The following TRIM14 variants were observed in gnomAD, a reference collection of about 807,000 sequenced individuals.
The protein encoded by TRIM14 is tripartite motif-containing protein 14.
Under a neutral mutation model 44.5 loss-of-function variants are expected in TRIM14, and 28 were observed. The observed-to-expected ratio is 0.63, with a 90% confidence interval of 0.47 to 0.86. TRIM14 has a LOEUF of 0.86. Among genes scored for constraint, TRIM14 ranks in the 40% least tolerant of loss-of-function variants. The probability of loss-of-function intolerance (pLI) is 0.00; values close to 1 mark genes in which losing one functional copy is unlikely to be tolerated. For missense variants in TRIM14, 607 were observed against 611.1 expected, an observed-to-expected ratio of 0.99 and a Z score of 0.07; for synonymous variants, 299 against 269.2, an observed-to-expected ratio of 1.11 and a Z score of -1.08.
downstream of TRIM14, among the ~76,000 whole-genome samples, chr9:98,068,585 A>C (rs1014350662): frequency 2.0e-5 from 3 of 150,942 alleles, no homozygotes; most frequent in African/African-American, 7.3e-5. Flanking sequence ...AAGCTGAGGT[A>C]GGAGGGTCGC....
the TRIM14 span, among the ~76,000 whole-genome samples, chr9:98,054,770 C>T: frequency 6.6e-6 from 1 of 152,210 alleles, no homozygotes; most frequent in Non-Finnish European, 1.5e-5. Context: ...GGGCTGGCCT[C>T]TGGATCCATC....
At chr9:98,100,246 G>C in intron 2 of TRIM14, 82 bp from the exon 3 acceptor site, 1 of 1,304,612 alleles carries the variant, frequency 7.7e-7, no homozygotes, top group Non-Finnish European at 1.1e-6. Context: ...AAATCATAAC[G>C]TCTGAAATGT....
rs531181973 is a variant in TRIM14, at chr9:98,095,227, C to T, written c.538-198G>A. Among the ~76,000 whole-genome samples, 6 of 152,350 alleles carry T rather than the reference C, an allele frequency of 3.9e-5. No homozygotes were observed. In the East Asian group the frequency reaches 9.6e-4, roughly 24 times the overall value. On this transcript the variant is annotated intron_variant, in intron 3 of 5. Coordinates refer to ENST00000341469, the MANE Select transcript of TRIM14 (RefSeq NM_014788.4). The surrounding 1 kb of genome is among the most constrained non-coding windows in gnomAD (Gnocchi z 4.1). Reference sequence around the variant, plus strand: ...CGGCATCCCTGAGGTGGGAGCCATGCGGAGGTGCGGTTTTTCAGTGCTGGC... The same window carrying T: ...CGGCATCCCTGAGGTGGGAGCCATGTGGAGGTGCGGTTTTTCAGTGCTGGC...
chr9:98,093,438 T>C (rs1017246560), intron 4 of TRIM14, among the ~76,000 whole-genome samples: 3 of 152,182 alleles, frequency 2.0e-5, no homozygotes, highest in African/African-American at 4.8e-5. Context: ...GACTGCATTA[T>C]GGTCTCCACT....
At chr9:98,113,337 A>AAT (rs1826928740) in intron 1 of TRIM14, among the ~76,000 whole-genome samples, 1 of 152,026 alleles carries the variant, frequency 6.6e-6, no homozygotes, top group African/African-American at 2.4e-5. Flanking sequence ...GATGATAGAT[A>AAT]ATATACTAAC....
chr9:98,119,165 G>T lies in TRIM14; in HGVS notation c.24C>A (p.Ser8Arg). 6.3e-7 allele frequency: 1 copy of T among 1,578,048 alleles called. No homozygotes were observed. The highest frequency in any genetic ancestry group is 8.5e-7 in the Non-Finnish European group (1 of 1,172,352). Residue 8 changes from serine to arginine, a missense_variant, in exon 1 of 6, where the codon AGC becomes AGA. Transcript: ENST00000341469. Reference protein sequence around the residue: MAGAATGSRTPGRSELVE... With the variant: MAGAATGRRTPGRSELVE... ...CAAGCTCCGACCTCCCAGGGGTCCG[G>T]CTCCCGGTCGCCGCGCCCGCCATTC...
intron 2 of TRIM14, among the ~76,000 whole-genome samples, chr9:98,103,173 A>C (rs1400488758): frequency 6.6e-6 from 1 of 152,018 alleles, no homozygotes; most frequent in Non-Finnish European, 1.5e-5. Flanking sequence ...CAACAGAACG[A>C]GACTCCATCT....
chr9:98,060,879 G>A, the TRIM14 span: 2 of 1,614,180 alleles, frequency 1.2e-6, no homozygotes, highest in Non-Finnish European at 8.5e-7. Flanking sequence ...AAGCATTCCT[G>A]GGGGAAGACG....
intron 2 of TRIM14, among the ~76,000 whole-genome samples, chr9:98,108,449 T>A (rs545599856): frequency 6.6e-6 from 1 of 152,290 alleles, no homozygotes; most frequent in South Asian, 2.1e-4. Flanking sequence ...GTATTTTATG[T>A]GTGGCCCAAG....
chr9:98,119,210 C>T lies in TRIM14; in HGVS notation c.-22G>A, dbSNP rs1047367650. ...CCATTCATCTCCACCTCCTCCGGCT[C>T]CCCGGGACACAGGGCGGGGCTCCCA... is the stretch of plus-strand genomic sequence containing the variant. On this transcript the variant is annotated 5_prime_UTR_variant, in exon 1 of 6. Transcript: ENST00000341469. 18 of 1,562,712 alleles carry T rather than the reference C, an allele frequency of 1.2e-5. No individual in the cohort carries two copies. The highest frequency in any genetic ancestry group is 1.5e-5 in the Non-Finnish European group (18 of 1,165,138).
intron 2 of TRIM14, 31 bp from the exon 3 acceptor site, chr9:98,100,195 A>G: frequency 6.4e-7 from 1 of 1,570,918 alleles, no homozygotes; most frequent in Non-Finnish European, 8.8e-7. Context: ...TGCAGATGAC[A>G]TGTCTGCCAA....
At chr9:98,099,789 TG>T (rs1027318357) in intron 3 of TRIM14, 141 bp downstream of exon 3, 5 of 685,354 alleles carry the variant, frequency 7.3e-6, no homozygotes, top group African/African-American at 7.2e-5. Flanking sequence ...ACCACCTGTG[TG>T]GGGGCAAGAC....
chr9:98,094,761 T>A (rs1826120142), intron 4 of TRIM14, 106 bp downstream of exon 4: 2 of 1,370,248 alleles, frequency 1.5e-6, no homozygotes, highest in African/African-American at 2.9e-5. Context: ...GCCAAGGGCC[T>A]CAGTGTGGGA....
At chr9:98,042,623 G>A in the TRIM14 span, among the ~76,000 whole-genome samples, 1 of 152,184 alleles carries the variant, frequency 6.6e-6, no homozygotes, top group Admixed American at 6.6e-5. Context: ...TGTAATCCCA[G>A]CACTTTGGGA....
chr9:98,052,881 A>G, the TRIM14 span, among the ~76,000 whole-genome samples: 1 of 152,224 alleles, frequency 6.6e-6, no homozygotes, highest in African/African-American at 2.4e-5. Context: ...GTAACCTCCC[A>G]TGTGAAATTA....
intron 2 of TRIM14, among the ~76,000 whole-genome samples, chr9:98,105,565 C>T (rs969239256): frequency 1.3e-5 from 2 of 152,084 alleles, no homozygotes; most frequent in African/African-American, 2.4e-5. Flanking sequence ...GGCAACAGAT[C>T]GAGACTCTGT....
rs778625917 is a variant in TRIM14 at position 98,099,966 on chromosome 9, T to C, written c.502A>G (p.Ile168Val). ...TGGACAGGATCGGGCTCCTGGCTGA[T>C]ACTCCAGACCCTGTTGGAGAGATCA... Reference protein sequence around the residue: ...MNDLSNRVWSISQEPDPVQRL... With the variant: ...MNDLSNRVWSVSQEPDPVQRL... The change falls in exon 3 of 6, where the codon ATC becomes GTC. Residue 168 changes from isoleucine (I) to valine (V), a missense_variant. By Grantham distance (29) the Ile-to-Val change is conservative. Around this residue, in one of 3 missense-constraint regions of TRIM14, gnomAD observed 246 missense variants for 270.8 expected, o/e 0.91. Transcript: ENST00000341469. The C allele has an allele frequency of 6.2e-7, 1 of 1,613,964 alleles. No individual in the cohort carries two copies. The highest frequency in any genetic ancestry group is 2.2e-5 in the East Asian group (1 of 44,884).
downstream of TRIM14, among the ~76,000 whole-genome samples, chr9:98,083,660 G>GTA (rs1829990092): frequency 6.6e-6 from 1 of 152,240 alleles, no homozygotes; most frequent in African/African-American, 2.4e-5. Flanking sequence ...TAGGCACAGA[G>GTA]TATATGGCCA....
At chr9:98,055,960 G>T in the TRIM14 span, among the ~76,000 whole-genome samples, 1 of 151,994 alleles carries the variant, frequency 6.6e-6, no homozygotes, top group Admixed American at 6.6e-5. Flanking sequence ...GGCTGGTCTC[G>T]AACTCCTGAC....
Sources: gnomAD v4.1 joint callset for allele counts (sites outside exome capture counted in the v4.1 genomes callset) on GRCh38, gnomAD v4.1.1 for gene constraint, gnomAD v4.1.1 regional missense constraint, Gnocchi (gnomAD v3.1) non-coding constraint, MANE v1.5 for transcripts, NCBI Gene and HGNC (gene_info 2026-07-23, HGNC 2026-07-21) for gene names.